CPNE4: variants seen among roughly 807,000 people sequenced by gnomAD.
The protein encoded by CPNE4 is copine 4, also known as copine-4.
In CPNE4, 25 loss-of-function variants were observed where a neutral mutation model predicts 67.9. The ratio of observed to expected loss-of-function variants is 0.37; its 90% CI spans 0.27 to 0.51. CPNE4 has a LOEUF of 0.51. Ranked by LOEUF, CPNE4 falls within the 20% of genes least tolerant of loss-of-function variation. The probability of loss-of-function intolerance (pLI) is 0.93; values close to 1 mark genes in which losing one functional copy is unlikely to be tolerated. For synonymous variants in CPNE4, 242 were observed against 244.9 expected (o/e 0.99, Z 0.11); for missense variants, 464 against 690.8 (o/e 0.67, Z 3.68).
At chr3:131,802,228 A>G (rs2084158030) in intron 2 of CPNE4, among the ~76,000 whole-genome samples, 1 of 152,192 alleles carries the variant, frequency 6.6e-6, no homozygotes. Context: ...AGTCAACCAC[A>G]TCTACTCCTT....
chr3:131,991,015 G>A (rs2369352), intron 1 of CPNE4, among the ~76,000 whole-genome samples: 84,418 of 134,698 alleles, frequency 0.63, 33,895 homozygotes, highest in South Asian at 0.84. Context: ...CCCTTCCACC[G>A]TGATTGTAAG....
At chr3:131,729,291 T>G (rs1469324970) in intron 2 of CPNE4, among the ~76,000 whole-genome samples, 1 of 152,180 alleles carries the variant, frequency 6.6e-6, no homozygotes, top group Non-Finnish European at 1.5e-5. Context: ...ATTTATTTAG[T>G]GAGGGTAGGG....
intron 1 of CPNE4, among the ~76,000 whole-genome samples, chr3:131,911,543 TTGTG>T (rs3041573): frequency 0.093 from 13,496 of 145,826 alleles, 631 homozygotes; most frequent in Non-Finnish European, 0.11. Flanking sequence ...GCACTCCAAG[TTGTG>T]TGTGTGTGTG....
At chr3:131,723,662 A>G (rs774078443) in intron 2 of CPNE4, 37 bp from the exon 3 acceptor site, 17 of 1,530,220 alleles carry the variant, frequency 1.1e-5, no homozygotes, top group Non-Finnish European at 1.5e-5. Context: ...AGAGATAAGG[A>G]TTATTTTTAT....
rs376311478 is a variant in CPNE4 at position 131,858,784 on chromosome 3, C to T, written c.180+46480G>A. 1.8e-4 allele frequency among the ~76,000 whole-genome samples: 27 copies of T among 152,210 alleles called. No homozygotes were observed. The East Asian group carries it at 5.0e-3, about 28-fold the overall frequency. On this transcript the variant is annotated intron_variant, in intron 2 of 15. Transcript: ENST00000429747. ...AGGAGTTGTGGCTATAAGGCAATAA[C>T]GTTCATTATACAAATCACCAAAATC...
At chr3:131,608,080 T>G (rs1174098366) in intron 7 of CPNE4, among the ~76,000 whole-genome samples, 1 of 152,178 alleles carries the variant, frequency 6.6e-6, no homozygotes, top group East Asian at 1.9e-4. Context: ...GTATCTGAAT[T>G]TAGGTAAAAC....
intron 2 of CPNE4, among the ~76,000 whole-genome samples, chr3:131,771,139 A>G (rs974454637): frequency 3.3e-5 from 5 of 152,172 alleles, no homozygotes; most frequent in African/African-American, 1.2e-4. Context: ...TTAATGCTAT[A>G]TCCTCAGTAT....
intron 6 of CPNE4, among the ~76,000 whole-genome samples, chr3:131,683,376 C>T (rs1347892651): frequency 6.6e-6 from 1 of 152,174 alleles, no homozygotes; most frequent in Non-Finnish European, 1.5e-5. Context: ...CCCTTCAAGG[C>T]AGTAGGCTTC....
chr3:131,799,044 C>G (rs1304919781), intron 2 of CPNE4, among the ~76,000 whole-genome samples: 3 of 151,974 alleles, frequency 2.0e-5, no homozygotes, highest in Non-Finnish European at 4.4e-5. Context: ...ACTCTCCTGA[C>G]AAGGAATTTC....
intron 14 of CPNE4, among the ~76,000 whole-genome samples, chr3:131,544,345 G>C (rs1935694768): frequency 6.6e-6 from 1 of 151,876 alleles, no homozygotes; most frequent in Admixed American, 6.5e-5. Context: ...TTTTTTTTCT[G>C]TGAGCCTGAA....
chr3:131,785,604 T>G (rs1261484054), intron 2 of CPNE4, among the ~76,000 whole-genome samples: 2 of 152,114 alleles, frequency 1.3e-5, no homozygotes, highest in Non-Finnish European at 2.9e-5. Context: ...TTATTACTTC[T>G]TGTTCTTCGG....
intron 1 of CPNE4, among the ~76,000 whole-genome samples, chr3:131,982,772 T>C (rs1356957264): frequency 6.6e-6 from 1 of 152,118 alleles, no homozygotes. Context: ...AATTGGCTTA[T>C]AATAAATTAC....
At chr3:131,740,035 T>C (rs577718565) in intron 2 of CPNE4, among the ~76,000 whole-genome samples, 17 of 152,312 alleles carry the variant, frequency 1.1e-4, no homozygotes, top group African/African-American at 3.4e-4. Flanking sequence ...ACAGAACCAA[T>C]TGGCTTCTTG....
At chr3:131,871,429 CT>C (rs2087197612) in intron 2 of CPNE4, among the ~76,000 whole-genome samples, 1 of 152,116 alleles carries the variant, frequency 6.6e-6, no homozygotes, top group Admixed American at 6.5e-5. Context: ...ACCGAGAATG[CT>C]CTTCAGAATG....
At chr3:132,033,675 AT>A (rs1331017193) in intron 1 of CPNE4, among the ~76,000 whole-genome samples, 9 of 152,254 alleles carry the variant, frequency 5.9e-5, no homozygotes, top group African/African-American at 2.2e-4. Context: ...GATTTGGAAC[AT>A]AGAATGGGAA....
intron 2 of CPNE4, among the ~76,000 whole-genome samples, chr3:131,811,532 C>T (rs137913328): frequency 6.6e-6 from 1 of 152,158 alleles, no homozygotes; most frequent in African/African-American, 2.4e-5. Context: ...GAACTGAAGC[C>T]TCTACTATGT....
chr3:131,833,575 A>T (rs1271460997), intron 2 of CPNE4, among the ~76,000 whole-genome samples: 1 of 152,190 alleles, frequency 6.6e-6, no homozygotes, highest in Non-Finnish European at 1.5e-5. Context: ...ATGTGCCTGT[A>T]GTTCCAGCTA....
At chr3:131,592,423 A>T (rs763761901) in intron 7 of CPNE4, among the ~76,000 whole-genome samples, 2 of 152,134 alleles carry the variant, frequency 1.3e-5, no homozygotes, top group Admixed American at 6.5e-5. Flanking sequence ...AACCCAGGCC[A>T]TTTGTGTTTA....
At chr3:131,818,075 T>C (rs920067405) in intron 2 of CPNE4, among the ~76,000 whole-genome samples, 1 of 152,196 alleles carries the variant, frequency 6.6e-6, no homozygotes, top group Non-Finnish European at 1.5e-5. Flanking sequence ...CTAAATCCGG[T>C]TTTTTAAATG....
Sources: gnomAD v4.1 joint callset for allele counts (sites outside exome capture counted in the v4.1 genomes callset) on GRCh38, gnomAD v4.1.1 for gene constraint, MANE v1.5 for transcripts, NCBI Gene and HGNC (gene_info 2026-07-23, HGNC 2026-07-21) for gene names.